Variants in NALF1 observed in about 807,000 individuals in gnomAD.
NALF1 encodes NALCN channel auxiliary factor 1, also known as family with sequence similarity 155 member A.
Under a neutral mutation model 48.4 loss-of-function variants are expected in NALF1, and 3 were observed. That is an observed-to-expected ratio of 0.06 (90% confidence interval 0.03 to 0.16). The LOEUF is 0.16. Among genes scored for constraint, NALF1 ranks in the 10% least tolerant of loss-of-function variants. The pLI is 1.00. For missense variants in NALF1, 526 were observed against 571.5 expected, an observed-to-expected ratio of 0.92 and a Z score of 0.81; for synonymous variants, 262 against 245.7, an observed-to-expected ratio of 1.07 and a Z score of -0.62.
At chr13:107,398,525 T>G (rs1883751682) in intron 1 of NALF1, among the ~76,000 whole-genome samples, 1 of 152,182 alleles carries the variant, frequency 6.6e-6, no homozygotes, top group Non-Finnish European at 1.5e-5. Context: ...TTATTATTCT[T>G]GGATAGAATG....
At chr13:107,274,457 G>C (rs1433197645) in intron 1 of NALF1, among the ~76,000 whole-genome samples, 3 of 152,160 alleles carry the variant, frequency 2.0e-5, no homozygotes, top group African/African-American at 7.2e-5. Context: ...AACTCCATGG[G>C]AAGTTCAGGC....
intron 2 of NALF1, among the ~76,000 whole-genome samples, chr13:107,177,174 A>C (rs1318624213): frequency 1.3e-5 from 2 of 152,178 alleles, no homozygotes; most frequent in Non-Finnish European, 2.9e-5. Flanking sequence ...AAAGTGAAAG[A>C]TCTCTACAGT....
chr13:107,518,201 T>C (rs559300225), intron 1 of NALF1, among the ~76,000 whole-genome samples: 2 of 152,316 alleles, frequency 1.3e-5, no homozygotes, highest in South Asian at 4.1e-4. Context: ...AGTTAAGGAA[T>C]TCGGTACTGG....
At chr13:107,347,670 A>G (rs934101840) in intron 1 of NALF1, among the ~76,000 whole-genome samples, 7 of 152,198 alleles carry the variant, frequency 4.6e-5, no homozygotes, top group Non-Finnish European at 8.8e-5. Context: ...ATAATGCATT[A>G]CGCAAAAGAA....
At chr13:107,243,985 G>T (rs574169228) in intron 1 of NALF1, among the ~76,000 whole-genome samples, 3 of 152,112 alleles carry the variant, frequency 2.0e-5, no homozygotes, top group African/African-American at 7.2e-5. Context: ...ACAAAAATCA[G>T]GTTAGCCTCC....
intron 1 of NALF1, among the ~76,000 whole-genome samples, chr13:107,763,047 T>A (rs1031370865): frequency 1.3e-4 from 19 of 151,910 alleles, no homozygotes; most frequent in Admixed American, 1.2e-3. Context: ...ATACCTTTTT[T>A]TTTTTCTAGT....
At chr13:107,216,291 G>A (rs1879872016) in intron 1 of NALF1, among the ~76,000 whole-genome samples, 1 of 152,184 alleles carries the variant, frequency 6.6e-6, no homozygotes, top group South Asian at 2.1e-4. Flanking sequence ...TTTAAGTGAG[G>A]GTGAAACTCA....
intron 1 of NALF1, among the ~76,000 whole-genome samples, chr13:107,336,405 T>A (rs1322520945): frequency 2.0e-5 from 3 of 151,890 alleles, no homozygotes; most frequent in Non-Finnish European, 4.4e-5. Flanking sequence ...AAATCTAATA[T>A]CTTCACGAGT....
At chr13:107,199,964 C>T (rs1879476698) in intron 2 of NALF1, among the ~76,000 whole-genome samples, 1 of 151,130 alleles carries the variant, frequency 6.6e-6, no homozygotes, top group Non-Finnish European at 1.5e-5. Context: ...CTTCTTCTTG[C>T]TCAAAGGACG....
intron 1 of NALF1, among the ~76,000 whole-genome samples, chr13:107,486,518 T>A (rs2139065425): frequency 6.6e-6 from 1 of 152,188 alleles, no homozygotes; most frequent in East Asian, 1.9e-4. Context: ...ACAGAGCAGG[T>A]CTGGATATCA....
At chr13:107,321,512 A>T (rs988121932) in intron 1 of NALF1, among the ~76,000 whole-genome samples, 1 of 152,168 alleles carries the variant, frequency 6.6e-6, no homozygotes, top group Non-Finnish European at 1.5e-5. Flanking sequence ...TTTCAGGAAT[A>T]ATTAGTGAGA....
rs140878685 is a variant in NALF1, at chr13:107,390,914, C to T, written c.916-180159G>A. On this transcript the variant is annotated intron_variant, in intron 1 of 2. Transcript: ENST00000375915. ...ATAATAATAATAATAATAATAGAGG[C>T]TGTTTTAGAAAATGAAAGAAAAGAC... Among the ~76,000 whole-genome samples, 807 of 126,862 alleles carry T rather than the reference C, an allele frequency of 6.4e-3. 9 individuals carry two copies. Among genetic ancestry groups the T allele is most frequent in the African/African-American group, 0.022 (767 of 34,182 alleles). 83.2% of individuals were successfully genotyped at this position (126,862 alleles called of 152,430 possible). A position where few individuals can be genotyped will look rare whatever the true frequency, so the allele number is the denominator to read the frequency against.
At chr13:107,698,749 C>T (rs1017210810) in intron 1 of NALF1, among the ~76,000 whole-genome samples, 1 of 152,116 alleles carries the variant, frequency 6.6e-6, no homozygotes, top group East Asian at 1.9e-4. Flanking sequence ...TTTCCCTGAC[C>T]ACTTTATAGC....
intron 1 of NALF1, among the ~76,000 whole-genome samples, chr13:107,684,913 T>C (rs1417275612): frequency 6.6e-6 from 1 of 152,200 alleles, no homozygotes; most frequent in East Asian, 1.9e-4. Context: ...AGTTACACCC[T>C]TTCCTTCCCA....
intron 1 of NALF1, among the ~76,000 whole-genome samples, chr13:107,776,493 G>A (rs562370740): frequency 1.1e-3 from 174 of 152,208 alleles, no homozygotes; most frequent in African/African-American, 3.9e-3. Context: ...ATGACAACGC[G>A]GTGAACACTA....
At chr13:107,700,404 TTTA>T (rs1881791568) in intron 1 of NALF1, among the ~76,000 whole-genome samples, 1 of 151,812 alleles carries the variant, frequency 6.6e-6, no homozygotes, top group Admixed American at 6.6e-5. Flanking sequence ...GGGAAAATAG[TTTA>T]TTAAGTAAAT....
At chr13:107,570,569 T>C (rs1877955770) in intron 1 of NALF1, among the ~76,000 whole-genome samples, 1 of 72,580 alleles carries the variant, frequency 1.4e-5, no homozygotes, top group African/African-American at 4.0e-5. Context: ...CTTTTATTTA[T>C]TTATTTATTT....
intron 1 of NALF1, among the ~76,000 whole-genome samples, chr13:107,688,700 C>A (rs1477573514): frequency 6.6e-6 from 1 of 152,190 alleles, no homozygotes; most frequent in Non-Finnish European, 1.5e-5. Flanking sequence ...CAGTGTATCT[C>A]TGTGCCATTC....
intron 1 of NALF1, among the ~76,000 whole-genome samples, chr13:107,496,373 C>T (rs117290953): frequency 9.0e-4 from 137 of 152,204 alleles, no homozygotes; most frequent in Admixed American, 1.2e-3. Context: ...CAACTGATTC[C>T]TACAGGTCTA....
Sources: gnomAD v4.1 joint callset for allele counts (sites outside exome capture counted in the v4.1 genomes callset) on GRCh38, gnomAD v4.1.1 for gene constraint, MANE v1.5 for transcripts, NCBI Gene and HGNC (gene_info 2026-07-23, HGNC 2026-07-21) for gene names.